The following PTPRM variants were observed in gnomAD, a reference collection of about 807,000 sequenced individuals.
The protein encoded by PTPRM is protein tyrosine phosphatase receptor type M.
A neutral mutation model predicts 186.7 loss-of-function variants in PTPRM; 47 were observed. The ratio of observed to expected loss-of-function variants is 0.25; its 90% CI spans 0.20 to 0.32. The LOEUF (loss-of-function observed/expected upper bound fraction) is 0.32. Ranked by LOEUF, PTPRM falls within the 10% of genes least tolerant of loss-of-function variation. The probability of loss-of-function intolerance (pLI) is 1.00; values close to 1 mark genes in which losing one functional copy is unlikely to be tolerated. For synonymous variants in PTPRM, 668 were observed against 674.9 expected (o/e 0.99, Z 0.16); for missense variants, 1,494 against 1,865.0 (o/e 0.80, Z 3.66).
At chr18:8,200,434 A>T (rs915921517) in intron 14 of PTPRM, among the ~76,000 whole-genome samples, 4 of 152,236 alleles carry the variant, frequency 2.6e-5, no homozygotes, top group Non-Finnish European at 4.4e-5. Context: ...TGTTGTTTTT[A>T]CGCATTTGAC....
chr18:8,379,425 C>T (rs1418223653), intron 28 of PTPRM, 85 bp downstream of exon 28: 1 of 1,318,010 alleles, frequency 7.6e-7, no homozygotes, highest in East Asian at 2.7e-5. Context: ...CCATTCTGCT[C>T]ACCAGCCCTT....
intron 2 of PTPRM, among the ~76,000 whole-genome samples, chr18:7,839,084 A>G (rs1365431833): frequency 6.6e-6 from 1 of 152,028 alleles, no homozygotes; most frequent in Non-Finnish European, 1.5e-5. Context: ...TCATAGCAGT[A>G]TGCTCCCCTC....
intron 9 of PTPRM, among the ~76,000 whole-genome samples, chr18:8,078,785 G>A (rs2089970707): frequency 6.6e-6 from 1 of 152,174 alleles, no homozygotes; most frequent in East Asian, 1.9e-4. Flanking sequence ...AGAGGGTGAA[G>A]GGCAGCAGGC....
chr18:8,045,988 A>G (rs2087021105), intron 7 of PTPRM, among the ~76,000 whole-genome samples: 2 of 152,066 alleles, frequency 1.3e-5, no homozygotes, highest in South Asian at 4.2e-4. Flanking sequence ...TTGAATTGTA[A>G]TCCTTACGTG....
At chr18:8,094,021 C>T (rs974533664) in intron 11 of PTPRM, among the ~76,000 whole-genome samples, 3 of 152,122 alleles carry the variant, frequency 2.0e-5, no homozygotes, top group Non-Finnish European at 4.4e-5. Context: ...TCCCCAGATT[C>T]CAGAATTTGT....
At chr18:8,223,801 G>C (rs1233565193) in intron 14 of PTPRM, among the ~76,000 whole-genome samples, 1 of 152,186 alleles carries the variant, frequency 6.6e-6, no homozygotes, top group South Asian at 2.1e-4. Context: ...ATATGGTGGG[G>C]GGAGTGATAG....
intron 30 of PTPRM, among the ~76,000 whole-genome samples, chr18:8,386,534 C>T (rs1159730233): frequency 6.6e-6 from 1 of 152,208 alleles, no homozygotes; most frequent in Non-Finnish European, 1.5e-5. Context: ...AAGCTGTTTT[C>T]ATGTTTCTAT....
chr18:7,688,692 C>G lies in PTPRM; in HGVS notation c.74-85457C>G, dbSNP rs541598677. Reference sequence around the variant, plus strand: ...CCAGGGATTTGCTGTAAGGTGACACCTGTTCCCCTTCTGGCATCTCTCATC... The same window carrying G: ...CCAGGGATTTGCTGTAAGGTGACACGTGTTCCCCTTCTGGCATCTCTCATC... On this transcript the variant is annotated intron_variant, in intron 1 of 32. Transcript: ENST00000580170. Among the ~76,000 whole-genome samples the G allele has an allele frequency of 3.3e-5, 5 of 152,256 alleles. No homozygotes were observed. In the South Asian group the frequency reaches 6.2e-4, roughly 19 times the overall value.
intron 19 of PTPRM, among the ~76,000 whole-genome samples, chr18:8,263,450 A>G (rs2094658048): frequency 2.0e-5 from 3 of 152,134 alleles, no homozygotes; most frequent in African/African-American, 7.2e-5. Flanking sequence ...TACATTTCTT[A>G]TTTAACCTTG....
intron 7 of PTPRM, among the ~76,000 whole-genome samples, chr18:7,990,448 G>T (rs1241989441): frequency 6.6e-6 from 1 of 152,154 alleles, no homozygotes; most frequent in Non-Finnish European, 1.5e-5. Context: ...TAAATAGATT[G>T]CTGTGTACTA....
chr18:8,328,916 A>G (rs1487347599), intron 22 of PTPRM, among the ~76,000 whole-genome samples: 1 of 152,262 alleles, frequency 6.6e-6, no homozygotes, highest in Admixed American at 6.5e-5. Context: ...TGCTCTAAAT[A>G]AACTTGCTCA....
intron 8 of PTPRM, among the ~76,000 whole-genome samples, chr18:8,073,884 G>A (rs1789812993): frequency 6.6e-6 from 1 of 152,166 alleles, no homozygotes; most frequent in African/African-American, 2.4e-5. Flanking sequence ...CAGCCCGGAT[G>A]ACAGAGCAAG....
chr18:7,884,369 G>A (rs749644240), intron 2 of PTPRM, among the ~76,000 whole-genome samples: 9 of 152,256 alleles, frequency 5.9e-5, no homozygotes, highest in South Asian at 2.1e-4. Context: ...GGAGTGTACC[G>A]CAGGGGAAGG....
intron 1 of PTPRM, among the ~76,000 whole-genome samples, chr18:7,655,352 G>A (rs749961409): frequency 1.1e-4 from 16 of 151,974 alleles, no homozygotes; most frequent in Admixed American, 6.6e-4. Context: ...GAGCCACCAC[G>A]CCCCACCTAC....
At chr18:7,780,410 A>G (rs1383699387) in intron 2 of PTPRM, among the ~76,000 whole-genome samples, 1 of 152,188 alleles carries the variant, frequency 6.6e-6, no homozygotes, top group Non-Finnish European at 1.5e-5. Flanking sequence ...CATCTGGGGA[A>G]GAGGCTAGTC....
intron 22 of PTPRM, among the ~76,000 whole-genome samples, chr18:8,326,416 C>A (rs2095376639): frequency 6.6e-6 from 1 of 152,178 alleles, no homozygotes; most frequent in Non-Finnish European, 1.5e-5. Context: ...ACATTCTTCA[C>A]AGAATTAGAA....
At chr18:8,098,002 C>A (rs1430897910) in intron 11 of PTPRM, among the ~76,000 whole-genome samples, 2 of 152,148 alleles carry the variant, frequency 1.3e-5, no homozygotes, top group Admixed American at 1.3e-4. Flanking sequence ...TTTACAGATA[C>A]TCCCCACTGT....
intron 14 of PTPRM, among the ~76,000 whole-genome samples, chr18:8,220,918 G>A (rs866581314): frequency 1.3e-5 from 2 of 152,166 alleles, no homozygotes; most frequent in Non-Finnish European, 2.9e-5. Flanking sequence ...CCATCAGCAT[G>A]AGGGCAGTTT....
intron 9 of PTPRM, among the ~76,000 whole-genome samples, chr18:8,078,737 G>C (rs1158550407): frequency 6.6e-6 from 1 of 152,184 alleles, no homozygotes; most frequent in African/African-American, 2.4e-5. Context: ...ACTTGCATCT[G>C]CTCCAGGCGA....
Sources: allele counts gnomAD v4.1 joint callset (sites outside exome capture counted in the v4.1 genomes callset), GRCh38; gene constraint gnomAD v4.1.1; transcripts MANE v1.5; gene names NCBI Gene and HGNC (gene_info 2026-07-23, HGNC 2026-07-21).